The following TCF7L2 variants were observed in gnomAD, a reference collection of about 807,000 sequenced individuals.
The protein encoded by TCF7L2 is transcription factor 7 like 2.
Under a neutral mutation model 77.9 loss-of-function variants are expected in TCF7L2, and 23 were observed. The ratio of observed to expected loss-of-function variants is 0.30; its 90% CI spans 0.21 to 0.42. TCF7L2 has a LOEUF of 0.42. Ranked by LOEUF, TCF7L2 falls within the 10% of genes least tolerant of loss-of-function variation. The pLI is 1.00. For synonymous variants in TCF7L2, 413 were observed against 340.2 expected (o/e 1.21, Z -2.36); for missense variants, 654 against 793.1 (o/e 0.82, Z 2.11).
chr10:113,127,523 T>C (rs2065846087), intron 5 of TCF7L2, among the ~76,000 whole-genome samples: 1 of 152,198 alleles, frequency 6.6e-6, no homozygotes, highest in African/African-American at 2.4e-5. Flanking sequence ...TGTAATTTCA[T>C]GCTGAAAGGA....
rs1000153519 is a variant in TCF7L2, at chr10:113,127,310, C to T, written c.553-13874C>T. On this transcript the variant is annotated intron_variant, in intron 5 of 13. Transcript: ENST00000627217. ...CTCCACCCTCCTCGCTCCCCTCCTC[C>T]CCATCCCCAAATATTTTCGTAAAGA... Among the ~76,000 whole-genome samples the T allele has an allele frequency of 2.0e-5, 3 of 151,686 alleles. No homozygotes were observed. In the East Asian group the frequency reaches 5.8e-4, roughly 29 times the overall value.
chr10:113,141,618 T>G (rs563909745), intron 6 of TCF7L2, among the ~76,000 whole-genome samples: 12 of 152,198 alleles, frequency 7.9e-5, no homozygotes, highest in Non-Finnish European at 1.3e-4. Flanking sequence ...GTCCTCAGTA[T>G]GTTTCAGGAG....
intron 5 of TCF7L2, among the ~76,000 whole-genome samples, chr10:113,079,189 T>C (rs1394751563): frequency 6.6e-6 from 1 of 152,100 alleles, no homozygotes; most frequent in Non-Finnish European, 1.5e-5. Flanking sequence ...GCCTTTTGGT[T>C]TTGGGTTTGG....
intron 4 of TCF7L2, among the ~76,000 whole-genome samples, chr10:113,019,496 G>A (rs1353786367): frequency 1.3e-5 from 2 of 152,164 alleles, no homozygotes; most frequent in South Asian, 4.1e-4. Flanking sequence ...TAATTGAACC[G>A]TTGGGTTTCT....
rs1188936554 is a variant in TCF7L2 at position 113,144,096 on chromosome 10, GTGTC to G, written c.788+75_788+78del. The G allele has an allele frequency of 2.8e-4, 250 of 877,564 alleles. 2 individuals carry two copies. The African/African-American group carries it at 3.9e-3, about 14-fold the overall frequency. 54.4% of individuals were successfully genotyped at this position (877,564 alleles called of 1,614,324 possible). On this transcript the variant is annotated intron_variant, in intron 7 of 13. Transcript: ENST00000627217. The stretch of plus-strand genomic sequence containing the variant: ...CATGTTTATTATTTATTCTGTGTGT[GTGTC>G]TGTGTGTGTGTGTGTGTGTGTGTGT...
chr10:113,132,079 GA>G (rs2066689706), intron 5 of TCF7L2: 1 of 152,226 alleles, frequency 6.6e-6, no homozygotes. Context: ...GGATAGAACG[GA>G]ACAATGCAGT....
intron 5 of TCF7L2, among the ~76,000 whole-genome samples, chr10:113,056,802 C>T (rs1030053005): frequency 2.6e-5 from 4 of 152,142 alleles, no homozygotes; most frequent in Admixed American, 2.6e-4. Flanking sequence ...ATTCATTTGC[C>T]ACTTGGAAAA....
At chr10:113,050,691 G>A (rs1362763578) in intron 5 of TCF7L2, among the ~76,000 whole-genome samples, 1 of 152,148 alleles carries the variant, frequency 6.6e-6, no homozygotes, top group Non-Finnish European at 1.5e-5. Flanking sequence ...CATAAATGAA[G>A]GAATGTCTGA....
At chr10:113,008,082 G>C (rs890485215) in intron 4 of TCF7L2, among the ~76,000 whole-genome samples, 2 of 152,226 alleles carry the variant, frequency 1.3e-5, no homozygotes, top group Admixed American at 1.3e-4. Flanking sequence ...GCGACCCATC[G>C]TCTTCTCCAC....
intron 5 of TCF7L2, among the ~76,000 whole-genome samples, chr10:113,111,899 G>C (rs2136110248): frequency 6.6e-6 from 1 of 152,296 alleles, no homozygotes; most frequent in Middle Eastern, 3.4e-3. Context: ...AAATGGGGCT[G>C]TTTTCATGTG....
chr10:112,976,328 G>T (rs1179176860), intron 4 of TCF7L2, among the ~76,000 whole-genome samples: 1 of 152,212 alleles, frequency 6.6e-6, no homozygotes, highest in Non-Finnish European at 1.5e-5. Flanking sequence ...CATCACACAT[G>T]ATAAATTTGA....
intron 4 of TCF7L2, among the ~76,000 whole-genome samples, chr10:112,992,827 G>A (rs1210966053): frequency 3.3e-5 from 5 of 151,390 alleles, no homozygotes; most frequent in Admixed American, 6.6e-5. Flanking sequence ...GCAGTGGCAC[G>A]ATCTCGGCTC....
At chr10:112,956,452 A>G (rs1222482543) in intron 3 of TCF7L2, among the ~76,000 whole-genome samples, 1 of 148,884 alleles carries the variant, frequency 6.7e-6, no homozygotes, top group Non-Finnish European at 1.5e-5. Context: ...ATTAGATAAT[A>G]TCTTTGACTG....
Position 113,126,486 on chromosome 10 carries a change from A to G in TCF7L2, c.553-14698A>G, listed in dbSNP as rs556097049. On this transcript the variant is annotated intron_variant, in intron 5 of 13. Coordinates refer to ENST00000627217, the MANE Select transcript of TCF7L2 (RefSeq NM_001146274.2). ...TGCCTTTATGTTTGCTAAGTCGGCA[A>G]ACAAAATATCAGGCTTTGTTCTTTT... 2.2e-5 allele frequency: 21 copies of G among 935,570 alleles called. No individual in the cohort carries two copies. The East Asian group carries it at 2.3e-3, about 104-fold the overall frequency. The allele number at this position is 935,570 out of a possible 1,614,324, so 58.0% of individuals were successfully genotyped here.
chr10:112,972,761 G>A (rs913315200), intron 4 of TCF7L2, among the ~76,000 whole-genome samples: 10 of 152,186 alleles, frequency 6.6e-5, no homozygotes, highest in African/African-American at 1.2e-4. Context: ...GTGATCCACC[G>A]CGCCCAGCAT....
chr10:113,140,404 CT>C (rs1482780697), intron 5 of TCF7L2, among the ~76,000 whole-genome samples: 1 of 152,082 alleles, frequency 6.6e-6, no homozygotes, highest in Non-Finnish European at 1.5e-5. Context: ...AATGCCTGTA[CT>C]TTGTTTTTTA....
chr10:112,976,914 A>G (rs61016876), intron 4 of TCF7L2, among the ~76,000 whole-genome samples: 3,635 of 151,838 alleles, frequency 0.024, 149 homozygotes, highest in African/African-American at 0.08. Flanking sequence ...GTCTATTTCT[A>G]TGACCATCTT....
At chr10:112,972,428 A>G (rs1467609208) in intron 4 of TCF7L2, among the ~76,000 whole-genome samples, 1 of 152,188 alleles carries the variant, frequency 6.6e-6, no homozygotes, top group East Asian at 1.9e-4. Flanking sequence ...GCTTATGCTT[A>G]TTGAATTCTC....
intron 8 of TCF7L2, among the ~76,000 whole-genome samples, chr10:113,147,689 T>C (rs373094300): frequency 7.4e-4 from 113 of 152,314 alleles, no homozygotes; most frequent in African/African-American, 2.5e-3. Flanking sequence ...CCACAGCTCA[T>C]CTTCCCACCT....
Sources: allele counts gnomAD v4.1 joint callset (sites outside exome capture counted in the v4.1 genomes callset), GRCh38; gene constraint gnomAD v4.1.1; transcripts MANE v1.5; gene names NCBI Gene and HGNC (gene_info 2026-07-23, HGNC 2026-07-21).